CERS6: variants seen among roughly 807,000 people sequenced by gnomAD.
CERS6 encodes the protein ceramide synthase 6.
Under a neutral mutation model 56.8 loss-of-function variants are expected in CERS6, and 26 were observed. The ratio of observed to expected loss-of-function variants is 0.46; its 90% CI spans 0.34 to 0.63. The LOEUF is 0.63. CERS6 is among the 30% of genes least tolerant of loss of function. The pLI is 0.01. For missense variants in CERS6, 415 were observed against 467.5 expected (o/e 0.89, Z 1.04); for synonymous variants, 164 against 173.3 (o/e 0.95, Z 0.42).
chr2:168,560,278 G>T (rs1308924765), intron 2 of CERS6, among the ~76,000 whole-genome samples: 1 of 152,204 alleles, frequency 6.6e-6, no homozygotes, highest in African/African-American at 2.4e-5. Flanking sequence ...GCTGGGTCCT[G>T]TGGGAATTCA....
rs576267711 is a variant in CERS6, at chr2:168,743,671, A to C, written c.846-21921A>C. ...CATCTTAGGAAACTTGATGGTACTG[A>C]CTGAATCTAAAGGGGAATATTTTTG... On this transcript the variant is annotated intron_variant, in intron 8 of 9. Coordinates refer to ENST00000305747, the MANE Select transcript of CERS6 (RefSeq NM_203463.3). Among the ~76,000 whole-genome samples, 191 of 152,352 alleles carry C rather than the reference A, an allele frequency of 1.3e-3. 1 individual carries two copies. Among genetic ancestry groups the C allele is most frequent in the Non-Finnish European group, 2.3e-3 (156 of 68,034 alleles).
chr2:168,686,683 G>C (rs751477598), intron 4 of CERS6, among the ~76,000 whole-genome samples: 5 of 151,888 alleles, frequency 3.3e-5, no homozygotes, highest in Non-Finnish European at 7.4e-5. Flanking sequence ...CTCATTCTTC[G>C]TCACCCAGAG....
chr2:168,524,155 G>A (rs1289308794), intron 1 of CERS6, among the ~76,000 whole-genome samples: 1 of 152,174 alleles, frequency 6.6e-6, no homozygotes, highest in African/African-American at 2.4e-5. Flanking sequence ...ATAGAAGCAG[G>A]TAGTGTGTTT....
intron 3 of CERS6, among the ~76,000 whole-genome samples, chr2:168,620,011 C>A (rs866662102): frequency 2.1e-4 from 8 of 37,264 alleles, no homozygotes; most frequent in African/African-American, 4.0e-4. Flanking sequence ...GTTCCACAAT[C>A]CATACACACA....
At chr2:168,747,809 A>C (rs1473898125) in intron 8 of CERS6, among the ~76,000 whole-genome samples, 1 of 147,450 alleles carries the variant, frequency 6.8e-6, no homozygotes, top group East Asian at 2.0e-4. Flanking sequence ...TATGATACCA[A>C]TAGCACTTCC....
rs115604875 is a variant in CERS6, at chr2:168,691,446, G to A, written c.516+362G>A. ...TAGTGCAGACCTGCCTCAACAGCAA[G>A]TGGGAAAGATCAAGTGTGAGGCTAG... On this transcript the variant is annotated intron_variant, in intron 5 of 9. Transcript: ENST00000305747. Among the ~76,000 whole-genome samples, 642 of 152,316 alleles carry A rather than the reference G, an allele frequency of 4.2e-3. 4 individuals are homozygous for A. The highest frequency in any genetic ancestry group is 0.015 in the African/African-American group (608 of 41,590).
At position 168,770,598 on chromosome 2, in the gene CERS6, G is replaced by A. The variant is rs1430084034; in HGVS notation, c.*936G>A. On this transcript the variant is annotated 3_prime_UTR_variant, in exon 10 of 10. Coordinates refer to ENST00000305747, the MANE Select transcript of CERS6 (RefSeq NM_203463.3). ...GTGCAGTCTTATGTTATAAAAGAAA[G>A]AAGTTAACTATATTTGGGGACAAAA... 2 of 152,570 alleles carry A rather than the reference G, an allele frequency of 1.3e-5. No individual in the cohort carries two copies. Among genetic ancestry groups the A allele is most frequent in the African/African-American group, 4.8e-5 (2 of 41,396 alleles). The allele number at this position is 152,570 out of a possible 1,614,324, so 9.5% of individuals were successfully genotyped here.
At chr2:168,524,779 T>C (rs1043919103) in intron 1 of CERS6, among the ~76,000 whole-genome samples, 1 of 152,030 alleles carries the variant, frequency 6.6e-6, no homozygotes, top group African/African-American at 2.4e-5. Flanking sequence ...TACACATCTC[T>C]CTTTAAAAAG....
intron 4 of CERS6, 35 bp from the exon 5 acceptor site, chr2:168,690,998 TA>T: frequency 6.3e-7 from 1 of 1,589,850 alleles, no homozygotes; most frequent in Non-Finnish European, 8.6e-7. Flanking sequence ...ATCCATGTTC[TA>T]AAATATGTAA....
At chr2:168,756,962 A>G (rs1684430778) in intron 8 of CERS6, among the ~76,000 whole-genome samples, 2 of 152,232 alleles carry the variant, frequency 1.3e-5, no homozygotes, top group South Asian at 4.1e-4. Context: ...TTAACATACA[A>G]AACCTAAGCG....
At chr2:168,496,403 G>C (rs1694469993) in intron 1 of CERS6, among the ~76,000 whole-genome samples, 1 of 151,948 alleles carries the variant, frequency 6.6e-6, no homozygotes, top group South Asian at 2.1e-4. Flanking sequence ...ATTTGAGCTA[G>C]AGTAGAGATT....
At position 168,717,937 on chromosome 2, in the gene CERS6, C is replaced by T. The variant is rs368943144; in HGVS notation, c.804C>T (p.Ala268=). ...KMCDLLFVMF[A]VVFITTRLGI... ...GTGATCTCCTGTTTGTTATGTTTGC[C>T]GTGGTTTTTATCACCACACGACTGG... Residue 268 remains alanine, a synonymous_variant, in exon 8 of 10, where the codon GCC becomes GCT. Coordinates refer to ENST00000305747, the MANE Select transcript of CERS6 (RefSeq NM_203463.3). 4.7e-5 allele frequency: 76 copies of T among 1,613,638 alleles called. No homozygotes were observed. Among genetic ancestry groups the T allele is most frequent in the Non-Finnish European group, 5.8e-5 (69 of 1,179,732 alleles).
chr2:168,482,737 T>G (rs1694200954), intron 1 of CERS6, among the ~76,000 whole-genome samples: 1 of 152,258 alleles, frequency 6.6e-6, no homozygotes, highest in African/African-American at 2.4e-5. Flanking sequence ...GGCTTATTTT[T>G]AAGCCTTTTG....
At chr2:168,484,535 C>T (rs1694241245) in intron 1 of CERS6, among the ~76,000 whole-genome samples, 1 of 151,884 alleles carries the variant, frequency 6.6e-6, no homozygotes, top group East Asian at 1.9e-4. Context: ...TCTACTGTAA[C>T]CACACTGGTA....
chr2:168,536,521 A>C (rs1370002105), intron 1 of CERS6, among the ~76,000 whole-genome samples: 1 of 152,194 alleles, frequency 6.6e-6, no homozygotes, highest in Non-Finnish European at 1.5e-5. Flanking sequence ...CCATTTTACT[A>C]TATATGTATC....
intron 1 of CERS6, among the ~76,000 whole-genome samples, chr2:168,464,729 A>G (rs566295907): frequency 2.0e-5 from 3 of 152,230 alleles, no homozygotes; most frequent in South Asian, 4.1e-4. Context: ...TACTCCTGTA[A>G]TGGATTATCT....
At chr2:168,489,471 A>ATTT (rs77499015) in intron 1 of CERS6, among the ~76,000 whole-genome samples, 3 of 135,172 alleles carry the variant, frequency 2.2e-5, no homozygotes, top group Non-Finnish European at 4.8e-5. Context: ...TTCTCCACCA[A>ATTT]TTTTTTTTTT....
chr2:168,681,897 C>T (rs529447644), intron 4 of CERS6, among the ~76,000 whole-genome samples: 10 of 152,266 alleles, frequency 6.6e-5, no homozygotes, highest in Admixed American at 3.3e-4. Flanking sequence ...ACTTGTCTTT[C>T]GGTGCCTGGC....
chr2:168,586,519 G>T (rs1683545756), intron 3 of CERS6, among the ~76,000 whole-genome samples: 1 of 152,052 alleles, frequency 6.6e-6, no homozygotes. Context: ...GTTTCAGAAG[G>T]CTGTCCGATC....
Sources: allele counts gnomAD v4.1 joint callset (sites outside exome capture counted in the v4.1 genomes callset), GRCh38; gene constraint gnomAD v4.1.1; transcripts MANE v1.5; gene names NCBI Gene and HGNC (gene_info 2026-07-23, HGNC 2026-07-21).